Variants in CDH23 observed in about 807,000 individuals in gnomAD.
CDH23 encodes the protein cadherin-23.
Under a neutral mutation model 317.1 loss-of-function variants are expected in CDH23, and 189 were observed. That is an observed-to-expected ratio of 0.60 (90% CI 0.53 to 0.67). CDH23 has a LOEUF of 0.67. CDH23 is among the 30% of genes least tolerant of loss of function. The pLI is 0.00. For missense variants in CDH23, 4,401 were observed against 4,592.4 expected (o/e 0.96, Z 1.20); for synonymous variants, 1,839 against 1,876.8 (o/e 0.98, Z 0.52).
At chr10:71,639,852 A>C (rs1422698113) in intron 11 of CDH23, among the ~76,000 whole-genome samples, 1 of 152,072 alleles carries the variant, frequency 6.6e-6, no homozygotes, top group African/African-American at 2.4e-5. Flanking sequence ...TCTCTCACAC[A>C]CACCCCTATC....
At chr10:71,429,467 C>T (rs1849264943) in intron 1 of CDH23, among the ~76,000 whole-genome samples, 1 of 152,156 alleles carries the variant, frequency 6.6e-6, no homozygotes, top group Non-Finnish European at 1.5e-5. Flanking sequence ...GGAGACCCCG[C>T]ATGGGTGTGG....
rs3802718 is a variant in CDH23, at chr10:71,511,238, A to G, written c.429+26A>G. ...GTAGGAGCCACTGGGGTTACCCTTG[A>G]GGGTATCAGAGACCTGCTGCTCCCC... On this transcript the variant is annotated intron_variant, in intron 6 of 69. Coordinates refer to ENST00000224721, the MANE Select transcript of CDH23 (RefSeq NM_022124.6). 0.67 allele frequency: 1,072,378 copies of G among 1,601,118 alleles called. 363,819 individuals carry two copies. Among genetic ancestry groups the G allele is most frequent in the African/African-American group, 0.93 (69,219 of 74,704 alleles).
At chr10:71,578,590 C>G (rs2132403282) in intron 9 of CDH23, among the ~76,000 whole-genome samples, 1 of 152,216 alleles carries the variant, frequency 6.6e-6, no homozygotes, top group Non-Finnish European at 1.5e-5. Context: ...GGATCCCTGA[C>G]CCACGCCCCA....
intron 9 of CDH23, among the ~76,000 whole-genome samples, chr10:71,611,075 G>GC: frequency 7.0e-6 from 1 of 143,160 alleles, no homozygotes; most frequent in East Asian, 2.0e-4. Flanking sequence ...CAGCCCCCCA[G>GC]CCCCCCATGG....
chr10:71,814,635 TAC>T (rs1842058106), intron 69 of CDH23, among the ~76,000 whole-genome samples: 2 of 151,248 alleles, frequency 1.3e-5, no homozygotes, highest in Non-Finnish European at 2.9e-5. Flanking sequence ...AGACTCTGTC[TAC>T]ACACACATAC....
In CDH23 at chr10:71,812,804, G is replaced by C. The variant is rs761910711; in HGVS notation, c.9547G>C (p.Asp3183His). 6.2e-7 allele frequency: 1 copy of C among 1,613,414 alleles called. No homozygotes were observed. Among genetic ancestry groups the C allele is most frequent in the Non-Finnish European group, 8.5e-7 (1 of 1,179,604 alleles). The change falls in exon 68 of 70, where the codon GAT (aspartate) becomes CAT (histidine). Residue 3183 changes from aspartate (D) to histidine (H), a missense_variant. Asp to His is a moderately conservative substitution (Grantham distance 81, BLOSUM62 -1). This residue lies in a region of CDH23 where 1,144 missense variants were observed against 1,138.2 expected (regional missense o/e 1.01). Coordinates refer to ENST00000224721, the MANE Select transcript of CDH23 (RefSeq NM_022124.6). ...FGREPAAVKP[D>H]DDRYLRAAIQ... ...GCGTGAGCCAGCAGCTGTCAAGCCT[G>C]ATGATGACCGATACCTGCGGGCTGC...
At chr10:71,798,966 C>A in intron 50 of CDH23, 145 bp from the exon 51 acceptor site, 1 of 700,380 alleles carries the variant, frequency 1.4e-6, no homozygotes, top group Non-Finnish European at 2.4e-6. Context: ...CTGCCGTGTG[C>A]CCTGCAACTG....
intron 9 of CDH23, among the ~76,000 whole-genome samples, chr10:71,595,939 A>G (rs1250184066): frequency 1.3e-5 from 2 of 151,924 alleles, no homozygotes; most frequent in Non-Finnish European, 2.9e-5. Flanking sequence ...TCTTTCTCTT[A>G]CCTCTCCAGG....
rs748415078 is a variant in CDH23 at position 71,687,729 on chromosome 10, C to T, written c.2059+10C>T. ...GAGAACATCATGGCAGGTACAGGCT[C>T]AGGTCGGGGGGTGGGGGGCACATGG... On this transcript the variant is annotated intron_variant, in intron 19 of 69. Coordinates refer to ENST00000224721, the MANE Select transcript of CDH23 (RefSeq NM_022124.6). 1.9e-5 allele frequency: 31 copies of T among 1,613,150 alleles called. No individual in the cohort carries two copies. The Middle Eastern group carries it at 4.9e-4, about 26-fold the overall frequency.
intron 38 of CDH23, among the ~76,000 whole-genome samples, chr10:71,770,922 T>A (rs2132911179): frequency 6.6e-6 from 1 of 152,296 alleles, no homozygotes; most frequent in East Asian, 1.9e-4. Context: ...GCCTCAAGGC[T>A]GTTCCTCTCT....
chr10:71,733,382 C>T (rs1207372877), intron 32 of CDH23, among the ~76,000 whole-genome samples: 1 of 152,214 alleles, frequency 6.6e-6, no homozygotes, highest in African/African-American at 2.4e-5. Context: ...CAATTATTAA[C>T]TGAATCTCCA....
At chr10:71,732,509 G>A in intron 32 of CDH23, 134 bp downstream of exon 32, 2 of 1,383,756 alleles carry the variant, frequency 1.4e-6, no homozygotes, top group South Asian at 2.7e-5. Flanking sequence ...TTAGGTACCT[G>A]TAGTCCCAGC....
intron 6 of CDH23, among the ~76,000 whole-genome samples, chr10:71,564,132 T>A (rs1564655334): frequency 1.3e-5 from 2 of 152,214 alleles, no homozygotes; most frequent in Non-Finnish European, 2.9e-5. Context: ...CAAGTGTTAC[T>A]CCCTGTAGCC....
chr10:71,509,895 C>A (rs1853857778), intron 3 of CDH23, 187 bp from the exon 4 acceptor site: 2 of 616,740 alleles, frequency 3.2e-6, no homozygotes, highest in South Asian at 1.9e-5. Context: ...GACAAGTGGA[C>A]CAGGGTGGAG....
At chr10:71,680,178 C>A (rs1864556440) in intron 17 of CDH23, among the ~76,000 whole-genome samples, 1 of 152,228 alleles carries the variant, frequency 6.6e-6, no homozygotes, top group South Asian at 2.1e-4. Context: ...CTGGTGTTCA[C>A]CCCCATGTCT....
In CDH23 at chr10:71,814,949, C is replaced by T; in HGVS notation, c.9739-3C>T. 1 of 1,604,358 alleles carries T rather than the reference C, an allele frequency of 6.2e-7. No homozygotes were observed. Among genetic ancestry groups the T allele is most frequent in the Non-Finnish European group, 8.5e-7 (1 of 1,173,620 alleles). ...AGCATGTGGGGGTCCCGGCCTCTTG[C>T]AGCTGATACAGACTGAGCTGGACGA... On this transcript the variant is annotated splice_region_variant and splice_polypyrimidine_tract_variant and intron_variant, in intron 69 of 69. Transcript: ENST00000224721.
At chr10:71,637,622 T>G (rs1005315339) in intron 11 of CDH23, among the ~76,000 whole-genome samples, 1 of 152,152 alleles carries the variant, frequency 6.6e-6, no homozygotes, top group African/African-American at 2.4e-5. Context: ...TTCTATACCC[T>G]GGAAGCTCAG....
chr10:71,701,033 A>G (rs961805318), intron 22 of CDH23, among the ~76,000 whole-genome samples: 1 of 152,136 alleles, frequency 6.6e-6, no homozygotes, highest in South Asian at 2.1e-4. Flanking sequence ...CAGGGACTGT[A>G]GTCACCTCTC....
At chr10:71,642,679 C>T (rs1158939000) in intron 11 of CDH23, among the ~76,000 whole-genome samples, 1 of 151,860 alleles carries the variant, frequency 6.6e-6, no homozygotes, top group African/African-American at 2.4e-5. Context: ...GGATTACAGG[C>T]ATGAGCCACC....
Sources: gnomAD v4.1 joint callset for allele counts (sites outside exome capture counted in the v4.1 genomes callset) on GRCh38, gnomAD v4.1.1 for gene constraint, gnomAD v4.1.1 regional missense constraint, MANE v1.5 for transcripts, NCBI Gene and HGNC (gene_info 2026-07-23, HGNC 2026-07-21) for gene names.